The following KDM4A variants were observed in gnomAD, a reference collection of about 807,000 sequenced individuals.
The protein encoded by KDM4A is lysine-specific demethylase 4A.
A neutral mutation model predicts 127.1 loss-of-function variants in KDM4A; 23 were observed. The ratio of observed to expected loss-of-function variants is 0.18; its 90% CI spans 0.13 to 0.26. The LOEUF is 0.26. Among genes scored for constraint, KDM4A ranks in the 10% least tolerant of loss-of-function variants. The probability of loss-of-function intolerance (pLI) is 1.00; values close to 1 mark genes in which losing one functional copy is unlikely to be tolerated. For synonymous variants in KDM4A, 443 were observed against 466.5 expected, an observed-to-expected ratio of 0.95 and a Z score of 0.65; for missense variants, 890 against 1,329.1, an observed-to-expected ratio of 0.67 and a Z score of 5.14.
rs3791035 is a variant in KDM4A at position 43,688,808 on chromosome 1, G to T, written c.1856-106G>T. ...CCTTAGGAATTCAGGAGTCACCCTT[G>T]GTCCAAACCTAGGATCAGGAGTCCT... On this transcript the variant is annotated intron_variant, in intron 12 of 21. Transcript: ENST00000372396. The surrounding 1 kb of genome is among the most constrained non-coding windows in gnomAD (Gnocchi z 4.4). 7 of 993,328 alleles carry T rather than the reference G, an allele frequency of 7.0e-6. No individual in the cohort carries two copies. The highest frequency in any genetic ancestry group is 1.0e-5 in the Non-Finnish European group (7 of 669,724). The allele number at this position is 993,328 out of a possible 1,614,324, so 61.5% of individuals were successfully genotyped here. A position where few individuals can be genotyped will look rare whatever the true frequency, so the allele number is the denominator to read the frequency against.
intron 11 of KDM4A, among the ~76,000 whole-genome samples, chr1:43,675,337 C>T (rs1285881676): frequency 1.3e-5 from 2 of 152,188 alleles, no homozygotes; most frequent in East Asian, 1.9e-4. Flanking sequence ...TAGGTAAGAG[C>T]AAATCATTCC....
At chr1:43,698,398 A>G (rs1661296351) in intron 19 of KDM4A, among the ~76,000 whole-genome samples, 1 of 152,152 alleles carries the variant, frequency 6.6e-6, no homozygotes, top group Non-Finnish European at 1.5e-5. Context: ...TCTCTTTTCT[A>G]TCAGGCCCTC....
intron 9 of KDM4A, among the ~76,000 whole-genome samples, chr1:43,668,414 C>T (rs1050339298): frequency 2.0e-5 from 3 of 152,134 alleles, no homozygotes; most frequent in South Asian, 4.1e-4. Context: ...TGTGAGCCAC[C>T]GCGCCCGGCC....
chr1:43,678,712 C>T (rs1557912850), intron 11 of KDM4A, among the ~76,000 whole-genome samples: 2 of 151,754 alleles, frequency 1.3e-5, no homozygotes, highest in African/African-American at 4.8e-5. Flanking sequence ...CTCAGCCTCT[C>T]AAGTAGTTGG....
intron 2 of KDM4A, 92 bp from the exon 3 acceptor site, chr1:43,655,499 C>T: frequency 9.2e-7 from 1 of 1,091,630 alleles, no homozygotes; most frequent in Non-Finnish European, 1.3e-6. Context: ...GTAAAATTGA[C>T]TGTTAGGTTG....
intron 18 of KDM4A, among the ~76,000 whole-genome samples, chr1:43,697,591 T>C (rs566303609): frequency 6.6e-6 from 1 of 152,324 alleles, no homozygotes; most frequent in African/African-American, 2.4e-5. Flanking sequence ...TAAGGGCCAG[T>C]TGTGGACTAG....
At chr1:43,683,934 A>G (rs1057402365) in intron 12 of KDM4A, 130 bp downstream of exon 12, 8 of 1,013,726 alleles carry the variant, frequency 7.9e-6, no homozygotes, top group Non-Finnish European at 1.2e-5. Context: ...CAGATATTCC[A>G]TAAAGAGAGG....
At chr1:43,668,517 T>C (rs1243385960) in intron 9 of KDM4A, among the ~76,000 whole-genome samples, 1 of 152,166 alleles carries the variant, frequency 6.6e-6, no homozygotes, top group Non-Finnish European at 1.5e-5. Context: ...TTCAGGCACT[T>C]TCTGAATGAG....
At chr1:43,662,853 A>G (rs1660415722) in intron 4 of KDM4A, 41 bp from the exon 5 acceptor site, 5 of 1,545,104 alleles carry the variant, frequency 3.2e-6, no homozygotes, top group Non-Finnish European at 4.4e-6. Flanking sequence ...CTCGGTTTCT[A>G]TGCAAATGTA....
intron 20 of KDM4A, 89 bp downstream of exon 20, chr1:43,703,825 G>A (rs757203924): frequency 5.4e-5 from 83 of 1,551,092 alleles, no homozygotes; most frequent in Non-Finnish European, 6.5e-5. Flanking sequence ...TTTGCTCTTA[G>A]GAGAACTAAT....
chr1:43,702,471 A>T (rs1325338858), intron 19 of KDM4A: 1 of 152,202 alleles, frequency 6.6e-6, no homozygotes, highest in Non-Finnish European at 1.5e-5. Context: ...GTAAGAGCAG[A>T]TGTGAGCATC....
At chr1:43,689,201 C>G (rs961779072) in intron 13 of KDM4A, 106 bp downstream of exon 13, 1 of 1,119,698 alleles carries the variant, frequency 8.9e-7, no homozygotes, top group East Asian at 2.4e-5. Context: ...GGAAAGGCCA[C>G]CTCCACCCCC....
At chr1:43,653,097 A>T in intron 1 of KDM4A, 40 bp from the exon 2 acceptor site, 2 of 1,095,106 alleles carry the variant, frequency 1.8e-6, no homozygotes, top group Non-Finnish European at 2.5e-6. Flanking sequence ...ACTTAATTTT[A>T]ATTTTTATAT....
intron 11 of KDM4A, among the ~76,000 whole-genome samples, chr1:43,674,306 T>C (rs1660691380): frequency 6.6e-6 from 1 of 152,154 alleles, no homozygotes. Flanking sequence ...GCTTAATTAA[T>C]CTTATTACAG....
At chr1:43,690,612 C>T (rs894007407) in intron 13 of KDM4A, 35 of 574,480 alleles carry the variant, frequency 6.1e-5, no homozygotes, top group Non-Finnish European at 1.1e-4. Context: ...TCTTACCTTG[C>T]TCCCTTTTCT....
Position 43,674,545 on chromosome 1 carries a change from C to G in KDM4A, c.1734+2670C>G, listed in dbSNP as rs57230541. ...TTTTTTTTTTGTGGGGGGACTGAGT[C>G]TCGCTCTGTTGCCCAGGCTGGAGTG... is the stretch of plus-strand genomic sequence containing the variant. On this transcript the variant is annotated intron_variant, in intron 11 of 21. Coordinates refer to ENST00000372396, the MANE Select transcript of KDM4A (RefSeq NM_014663.3). 9.1e-3 allele frequency among the ~76,000 whole-genome samples: 1,362 copies of G among 149,256 alleles called. 22 individuals carry two copies. The highest frequency in any genetic ancestry group is 0.032 in the African/African-American group (1,295 of 40,452).
chr1:43,651,675 G>A (rs1303837986), intron 1 of KDM4A, among the ~76,000 whole-genome samples: 1 of 152,142 alleles, frequency 6.6e-6, no homozygotes, highest in Non-Finnish European at 1.5e-5. Flanking sequence ...CAGTGAGGAG[G>A]GTGGGTAAAG....
At chr1:43,653,514 G>A in intron 2 of KDM4A, 1 of 419,876 alleles carries the variant, frequency 2.4e-6, no homozygotes, top group Non-Finnish European at 4.2e-6. Context: ...GAGCTACTTG[G>A]AATCTTCAGA....
In KDM4A at chr1:43,662,971, G is replaced by T. The variant is rs776051250; in HGVS notation, c.507G>T (p.Glu169Asp). ...AAAAGGAGAGTGGGATCACCATTGA[G>T]GGTGTGAACACCCCATACCTGTACT... is the stretch of plus-strand genomic sequence containing the variant. ...LVEKESGITIEGVNTPYLYFG... is the reference protein window; with the variant it reads ...LVEKESGITIDGVNTPYLYFG... The change falls in exon 5 of 22, where the codon GAG (glutamate) becomes GAT (aspartate). Residue 169 changes from glutamate (E) to aspartate (D), a missense_variant. Glu to Asp is a conservative substitution (Grantham distance 45, BLOSUM62 2). Transcript: ENST00000372396. The T allele has an allele frequency of 1.2e-6, 2 of 1,614,162 alleles. No individual in the cohort carries two copies. Among genetic ancestry groups the T allele is most frequent in the African/African-American group, 1.3e-5 (1 of 75,050 alleles).
Sources: allele counts gnomAD v4.1 joint callset (sites outside exome capture counted in the v4.1 genomes callset), GRCh38; gene constraint gnomAD v4.1.1; non-coding constraint Gnocchi (gnomAD v3.1); transcripts MANE v1.5; gene names NCBI Gene and HGNC (gene_info 2026-07-23, HGNC 2026-07-21).